The following PAM16 variants were observed in gnomAD, a reference collection of about 807,000 sequenced individuals.
PAM16 encodes the protein mitochondrial import inner membrane translocase subunit TIM16.
Under a neutral mutation model 17.9 loss-of-function variants are expected in PAM16, and 11 were observed. The observed-to-expected ratio is 0.62, with a 90% CI of 0.39 to 1.02. The LOEUF (loss-of-function observed/expected upper bound fraction) is 1.02, where lower values mean the gene tolerates loss of function less well. Among genes scored for constraint, PAM16 ranks in the 50% least tolerant of loss-of-function variants. The pLI is 0.01. For missense variants in PAM16, 199 were observed against 165.4 expected (o/e 1.20, Z -1.11); for synonymous variants, 72 against 67.4 (o/e 1.07, Z -0.34).
intron 1 of PAM16, among the ~76,000 whole-genome samples, chr16:4,344,855 G>A (rs1298832685): frequency 2.7e-5 from 4 of 147,290 alleles, no homozygotes; most frequent in South Asian, 2.1e-4. Context: ...AGGGGGTTCC[G>A]TGAGAGGAGG....
intron 2 of PAM16, 84 bp from the exon 3 acceptor site, chr16:4,341,588 C>A: frequency 6.7e-7 from 1 of 1,502,976 alleles, no homozygotes. Context: ...TCACCCCTGC[C>A]ACCAGCACAG....
intron 2 of PAM16, chr16:4,341,770 C>T: frequency 1.9e-6 from 1 of 523,776 alleles, no homozygotes; most frequent in Non-Finnish European, 3.4e-6. Context: ...ATGAGATGAC[C>T]CTGTCCCCCA....
intron 1 of PAM16, chr16:4,345,936 AG>A: frequency 1.0e-6 from 1 of 985,374 alleles, no homozygotes; most frequent in Non-Finnish European, 1.2e-6. Context: ...TCACACCAAC[AG>A]CCTTCGGTCC....
At chr16:4,347,266 CA>C (rs1178824957) in intron 1 of PAM16, 1 of 152,120 alleles carries the variant, frequency 6.6e-6, no homozygotes, top group Non-Finnish European at 1.5e-5. Flanking sequence ...GTGGAAATTT[CA>C]TAACTTCTGG....
chr16:4,343,601 G>A (rs2053686457), intron 1 of PAM16: 1 of 1,376,552 alleles, frequency 7.3e-7, no homozygotes, highest in South Asian at 1.9e-5. Context: ...CCGGCTTCAG[G>A]AAGAAACACT....
chr16:4,340,785 C>T (rs2053631938), intron 4 of PAM16, 135 bp downstream of exon 4: 2 of 1,147,794 alleles, frequency 1.7e-6, no homozygotes, highest in Non-Finnish European at 2.6e-6. Context: ...GAGGCTGGGG[C>T]ACCATGGGAA....
chr16:4,343,515 A>G, intron 1 of PAM16: 1 of 1,427,486 alleles, frequency 7.0e-7, no homozygotes, highest in African/African-American at 1.4e-5. Context: ...AACTTGACCG[A>G]GCTCCCAGAG....
At chr16:4,346,242 C>T (rs2053757193) in intron 1 of PAM16, among the ~76,000 whole-genome samples, 1 of 152,186 alleles carries the variant, frequency 6.6e-6, no homozygotes, top group Admixed American at 6.5e-5. Flanking sequence ...AATGGTTACA[C>T]CTGCAGGCTT....
chr16:4,340,702 G>T (rs1185915227), intron 4 of PAM16, among the ~76,000 whole-genome samples: 2 of 152,178 alleles, frequency 1.3e-5, no homozygotes, highest in Non-Finnish European at 2.9e-5. Context: ...TCTATCTGGG[G>T]TGACACAGCC....
chr16:4,350,676 A>G (rs2141158215), intron 1 of PAM16, among the ~76,000 whole-genome samples: 1 of 152,250 alleles, frequency 6.6e-6, no homozygotes, highest in African/African-American at 2.4e-5. Flanking sequence ...CTGGGATTAC[A>G]GGCGTGAGCC....
At chr16:4,340,641 AC>A (rs770496542) in intron 4 of PAM16, among the ~76,000 whole-genome samples, 15 of 152,144 alleles carry the variant, frequency 9.9e-5, no homozygotes, top group Non-Finnish European at 1.5e-4. Flanking sequence ...CTAGCACCCC[AC>A]CCACGGGGGC....
Position 4,345,098 on chromosome 16 carries a change from T to A in PAM16, c.4-1807A>T, listed in dbSNP as rs181119522. Among the ~76,000 whole-genome samples the A allele has an allele frequency of 6.6e-5, 10 of 152,000 alleles. 1 individual carries two copies. In the East Asian group the frequency reaches 1.9e-3, roughly 29 times the overall value. On this transcript the variant is annotated intron_variant, in intron 1 of 4. Transcript: ENST00000318059. ...AAAGCGATTATATATAGACAGCACA[T>A]ACAAAGGATCTTGTGACTGCAAAGC...
chr16:4,341,012 G>C, intron 3 of PAM16, 27 bp from the exon 4 acceptor site: 1 of 1,612,648 alleles, frequency 6.2e-7, no homozygotes. Context: ...ACGGGTGAGA[G>C]GGCTGCAGAC....
rs71388569 is a variant in PAM16, at chr16:4,340,286, G to A, written c.*33C>T. The A allele has an allele frequency of 6.3e-7, 1 of 1,588,382 alleles. No individual in the cohort carries two copies. On this transcript the variant is annotated 3_prime_UTR_variant, in exon 5 of 5. Transcript: ENST00000318059. Reference sequence around the variant, plus strand: ...AAATTTATTACCAAGCTATAAATTAGAGGCGGCGGGGTGGGCGGGGGGAGC... The same window carrying A: ...AAATTTATTACCAAGCTATAAATTAAAGGCGGCGGGGTGGGCGGGGGGAGC...
At chr16:4,342,845 G>A (rs939851777) in intron 2 of PAM16, among the ~76,000 whole-genome samples, 19 of 151,966 alleles carry the variant, frequency 1.3e-4, no homozygotes, top group African/African-American at 3.6e-4. Context: ...TGTATTCCCA[G>A]CTACTCAGGA....
chr16:4,349,888 T>C (rs865796730), intron 1 of PAM16, among the ~76,000 whole-genome samples: 22 of 152,094 alleles, frequency 1.4e-4, no homozygotes, highest in African/African-American at 1.7e-4. Flanking sequence ...AGGTTCCTTA[T>C]CTGTAAAATA....
At chr16:4,341,098 C>T in intron 3 of PAM16, 113 bp from the exon 4 acceptor site, 2 of 1,381,570 alleles carry the variant, frequency 1.4e-6, no homozygotes, top group Non-Finnish European at 2.0e-6. Context: ...ACCCTGTGTG[C>T]CACACCCAGC....
intron 1 of PAM16, chr16:4,343,505 A>G: frequency 2.8e-6 from 4 of 1,428,260 alleles, no homozygotes; most frequent in Non-Finnish European, 3.6e-6. Context: ...CAGGCGGGTG[A>G]ACTTGACCGA....
Position 4,351,282 on chromosome 16 carries a change from C to G in PAM16, c.-48G>C. 1 of 1,437,412 alleles carries G rather than the reference C, an allele frequency of 7.0e-7. No individual in the cohort carries two copies. The highest frequency in any genetic ancestry group is 9.2e-7 in the Non-Finnish European group (1 of 1,082,406). 89.0% of individuals were successfully genotyped at this position (1,437,412 alleles called of 1,614,324 possible). On this transcript the variant is annotated 5_prime_UTR_variant, in exon 1 of 5. Transcript: ENST00000318059. ...CTCAAACTCCGACTTCCTGGCCCCG[C>G]GGCCGGGGATCAAGCGTGGTCGGCG...
Sources: gnomAD v4.1 joint callset for allele counts (sites outside exome capture counted in the v4.1 genomes callset) on GRCh38, gnomAD v4.1.1 for gene constraint, MANE v1.5 for transcripts, NCBI Gene and HGNC (gene_info 2026-07-23, HGNC 2026-07-21) for gene names.